DHRS9: variants seen among roughly 807,000 people sequenced by gnomAD.
The protein encoded by DHRS9 is dehydrogenase/reductase SDR family member 9.
In DHRS9, 18 loss-of-function variants were observed where a neutral mutation model predicts 26.6. The observed-to-expected ratio is 0.68, with a 90% CI of 0.47 to 1.00. DHRS9 has a LOEUF of 1.00. DHRS9 is among the 50% of genes least tolerant of loss of function. DHRS9 has a pLI of 0.00. For synonymous variants in DHRS9, 134 were observed against 141.1 expected (o/e 0.95, Z 0.36); for missense variants, 425 against 378.7 (o/e 1.12, Z -1.01).
In DHRS9 at chr2:169,074,531, G is replaced by A. The variant is rs116222259; in HGVS notation, c.-60+4814G>A. ...CCGTGCAGAGGTAACCACAGCTGGC[G>A]TAGTGTGGTTGAGGTAGCCCTATTA... On this transcript the variant is annotated intron_variant, in intron 1 of 4. Transcript: ENST00000674881. The A allele has an allele frequency of 1.5e-3, 1,228 of 814,518 alleles. 12 individuals are homozygous for A. In the African/African-American group the frequency reaches 0.019, roughly 13 times the overall value. 50.5% of individuals were successfully genotyped at this position (814,518 alleles called of 1,614,324 possible). A position where few individuals can be genotyped will look rare whatever the true frequency, so the allele number is the denominator to read the frequency against.
At chr2:169,094,304 T>C (rs1407779487) in intron 4 of DHRS9, among the ~76,000 whole-genome samples, 1 of 152,200 alleles carries the variant, frequency 6.6e-6, no homozygotes, top group Non-Finnish European at 1.5e-5. Flanking sequence ...TTGAGTTTCT[T>C]ATACATTTTG....
At chr2:169,070,884 G>A (rs542637589) in intron 1 of DHRS9, 33 of 339,906 alleles carry the variant, frequency 9.7e-5, no homozygotes, top group Non-Finnish European at 8.8e-5. Context: ...CTAACACGGT[G>A]AAACCTGGTC....
At chr2:169,071,211 A>G (rs1392040747) in intron 1 of DHRS9, among the ~76,000 whole-genome samples, 4 of 152,260 alleles carry the variant, frequency 2.6e-5, no homozygotes, top group African/African-American at 9.6e-5. Flanking sequence ...CCTTGTGACT[A>G]CAAATGATAA....
chr2:169,095,480 C>G, intron 4 of DHRS9, 64 bp from the exon 5 acceptor site: 1 of 1,345,790 alleles, frequency 7.4e-7, no homozygotes, highest in South Asian at 1.2e-5. Flanking sequence ...CCCCTTTGCA[C>G]CCTAGACTTC....
Position 169,095,839 on chromosome 2 carries a change from C to A in DHRS9, c.*72C>A. The A allele has an allele frequency of 7.2e-7, 1 of 1,381,348 alleles. No individual in the cohort carries two copies. The highest frequency in any genetic ancestry group is 1.0e-6 in the Non-Finnish European group (1 of 982,214). The allele number at this position is 1,381,348 out of a possible 1,614,324, so 85.6% of individuals were successfully genotyped here. A position where few individuals can be genotyped will look rare whatever the true frequency, so the allele number is the denominator to read the frequency against. On this transcript the variant is annotated 3_prime_UTR_variant, in exon 5 of 5. Transcript: ENST00000674881. The stretch of plus-strand genomic sequence containing the variant: ...TTCAAGAACACATCTCCTTTTCAAC[C>A]CCATTCCTTATCTGCTCCAACCTGG...
chr2:169,095,341 C>T (rs1213568739), intron 4 of DHRS9, among the ~76,000 whole-genome samples: 1 of 152,050 alleles, frequency 6.6e-6, no homozygotes, highest in Non-Finnish European at 1.5e-5. Context: ...CTGCTGCCAA[C>T]CCAATCTTGA....
chr2:169,079,869 GAA>G (rs1684091936), intron 1 of DHRS9, among the ~76,000 whole-genome samples: 1 of 71,430 alleles, frequency 1.4e-5, no homozygotes, highest in South Asian at 5.2e-4. Flanking sequence ...CTGAAAGAAA[GAA>G]AGAAAGAAAG....
chr2:169,067,100 G>A, upstream of DHRS9: 1 of 1,532,960 alleles, frequency 6.5e-7, no homozygotes, highest in Non-Finnish European at 8.7e-7. Context: ...GTCGTTCAGA[G>A]AAACATGTTC....
chr2:169,072,529 A>G (rs1683838552), intron 1 of DHRS9: 2 of 776,348 alleles, frequency 2.6e-6, no homozygotes, highest in African/African-American at 3.8e-5. Flanking sequence ...AGGAAGGTGA[A>G]TAAGAGAAGT....
In DHRS9 at chr2:169,081,661, T is replaced by A. The variant is rs78617573; in HGVS notation, c.80T>A (p.Ile27Asn). Residue 27 changes from isoleucine to asparagine, a missense_variant, in exon 2 of 5, where the codon ATC (isoleucine) becomes AAC (asparagine). Coordinates refer to ENST00000674881, the MANE Select transcript of DHRS9 (RefSeq NM_001376924.1). ...TRKGKLKIED[I>N]TDKYIFITGC... ...AAAGGAAAACTAAAGATTGAAGACA[T>A]CACTGATAAGTACATTTTTATCACT... 6.2e-7 allele frequency: 1 copy of A among 1,614,168 alleles called. No homozygotes were observed. Among genetic ancestry groups the A allele is most frequent in the Non-Finnish European group, 8.5e-7 (1 of 1,180,020 alleles).
At chr2:169,080,453 G>A (rs1684148440) in intron 1 of DHRS9, among the ~76,000 whole-genome samples, 1 of 152,208 alleles carries the variant, frequency 6.6e-6, no homozygotes, top group Non-Finnish European at 1.5e-5. Flanking sequence ...ACTCAGACCT[G>A]AGGCAGCTGG....
At chr2:169,074,514 A>T (rs1683903014) in intron 1 of DHRS9, 3 of 910,260 alleles carry the variant, frequency 3.3e-6, no homozygotes, top group Non-Finnish European at 3.9e-6. Flanking sequence ...GGCCGTGCAG[A>T]GGTAACCACA....
Position 169,083,584 on chromosome 2 carries a change from T to C in DHRS9, c.569T>C (p.Leu190Ser). The stretch of plus-strand genomic sequence containing the variant: ...GCAGTGGAAGGTTTCAATGACAGCT[T>C]AAGGTAAATCAAATTAATCAACTTA... The part of the protein sequence containing the change: ...KYAVEGFNDS[L>S]RRDMKAFGVH... The change falls in exon 3 of 5, where the codon TTA becomes TCA. Residue 190 changes from leucine (L) to serine (S), a missense_variant. Coordinates refer to ENST00000674881, the MANE Select transcript of DHRS9 (RefSeq NM_001376924.1). 1.2e-6 allele frequency: 2 copies of C among 1,613,124 alleles called. No homozygotes were observed. Among genetic ancestry groups the C allele is most frequent in the Non-Finnish European group, 1.7e-6 (2 of 1,179,246 alleles).
intron 3 of DHRS9, 91 bp from the exon 4 acceptor site, chr2:169,091,699 A>G: frequency 7.3e-7 from 1 of 1,373,632 alleles, no homozygotes; most frequent in South Asian, 1.4e-5. Flanking sequence ...CTGTGATTCC[A>G]TGAAAAGATT....
chr2:169,074,830 C>T (rs1683916219), intron 1 of DHRS9, among the ~76,000 whole-genome samples: 1 of 152,052 alleles, frequency 6.6e-6, no homozygotes, highest in Non-Finnish European at 1.5e-5. Flanking sequence ...ATTGGCAGTC[C>T]CTAGGATTCA....
chr2:169,067,367 G>A (rs530427814), upstream of DHRS9: 2 of 1,469,936 alleles, frequency 1.4e-6, no homozygotes, highest in East Asian at 2.5e-5. Context: ...TATGTCTCCT[G>A]AGACAGCCTC....
chr2:169,092,375 A>T (rs1684557184), intron 4 of DHRS9, among the ~76,000 whole-genome samples: 1 of 152,152 alleles, frequency 6.6e-6, no homozygotes, highest in South Asian at 2.1e-4. Context: ...GGCATTAAGG[A>T]TTTATGGTGG....
chr2:169,074,570 T>C (rs1290720908), intron 1 of DHRS9: 8 of 414,370 alleles, frequency 1.9e-5, no homozygotes, highest in Non-Finnish European at 2.3e-5. Flanking sequence ...TTTTAGTTGC[T>C]GTTACTAATT....
chr2:169,085,052 G>A (rs1684308230), intron 3 of DHRS9, among the ~76,000 whole-genome samples: 2 of 152,174 alleles, frequency 1.3e-5, no homozygotes, highest in African/African-American at 4.8e-5. Flanking sequence ...TCTTCTGCAT[G>A]TGGACATCCA....
Sources: allele counts gnomAD v4.1 joint callset (sites outside exome capture counted in the v4.1 genomes callset), GRCh38; gene constraint gnomAD v4.1.1; transcripts MANE v1.5; gene names NCBI Gene and HGNC (gene_info 2026-07-23, HGNC 2026-07-21).